The following MGA variants were observed in gnomAD, a reference collection of about 807,000 sequenced individuals.
MGA encodes MAX dimerization protein MGA, also known as MAX gene-associated protein.
Under a neutral mutation model 261.1 loss-of-function variants are expected in MGA, and 40 were observed. The ratio of observed to expected loss-of-function variants is 0.15; its 90% CI spans 0.12 to 0.20. The LOEUF is 0.20. Ranked by LOEUF, MGA falls within the 10% of genes least tolerant of loss-of-function variation. The probability of loss-of-function intolerance (pLI) is 1.00; values close to 1 mark genes in which losing one functional copy is unlikely to be tolerated. For synonymous variants in MGA, 1,302 were observed against 1,290.6 expected (o/e 1.01, Z -0.19); for missense variants, 3,397 against 3,630.5 (o/e 0.94, Z 1.65).
At position 41,763,809 on chromosome 15, in the gene MGA, C is replaced by A. The variant is rs148858282; in HGVS notation, c.7745-1077C>A. Among the ~76,000 whole-genome samples the A allele has an allele frequency of 4.4e-4, 67 of 152,204 alleles. 1 individual carries two copies. The East Asian group carries it at 9.7e-3, about 22-fold the overall frequency. ...ATTAGTCTTAACTTCTTATTACCATCTTGATTTTGGAAGTAAAGTTATATT... is the reference window on the plus strand; with the variant it reads ...ATTAGTCTTAACTTCTTATTACCATATTGATTTTGGAAGTAAAGTTATATT... On this transcript the variant is annotated intron_variant, in intron 22 of 23. Transcript: ENST00000219905.
chr15:41,762,463 T>TG, intron 22 of MGA, 101 bp downstream of exon 22: 1 of 119,892 alleles, frequency 8.3e-6, no homozygotes, highest in African/African-American at 5.7e-5. Flanking sequence ...TTTGTGTGGT[T>TG]TTTTTTTTTT....
chr15:41,753,683 G>GT (rs1476528796), intron 17 of MGA, among the ~76,000 whole-genome samples: 1 of 152,078 alleles, frequency 6.6e-6, no homozygotes, highest in African/African-American at 2.4e-5. Context: ...ATGCTAATGT[G>GT]TGTTGATTTG....
chr15:41,714,214 GATGATTAAT>G (rs2060516697), intron 9 of MGA, among the ~76,000 whole-genome samples: 1 of 151,958 alleles, frequency 6.6e-6, no homozygotes, highest in Admixed American at 6.6e-5. Flanking sequence ...AATCAGAGAT[GATGATTAAT>G]ATTTCAGTGT....
chr15:41,644,737 G>A (rs2056901013), intron 1 of MGA, among the ~76,000 whole-genome samples: 1 of 152,148 alleles, frequency 6.6e-6, no homozygotes, highest in Non-Finnish European at 1.5e-5. Context: ...TAAAGTTGGA[G>A]TATATACCAT....
chr15:41,622,047 G>A (rs2056309017), intron 1 of MGA, among the ~76,000 whole-genome samples: 1 of 151,918 alleles, frequency 6.6e-6, no homozygotes, highest in Non-Finnish European at 1.5e-5. Context: ...GGGGGAGGGT[G>A]GGGGGCGTGG....
In MGA at chr15:41,672,865, T is replaced by TGC. The variant is rs933308918; in HGVS notation, c.1064+2908_1064+2909dup. 5.1e-4 allele frequency among the ~76,000 whole-genome samples: 47 copies of TGC among 92,758 alleles called. No individual in the cohort carries two copies. The East Asian group carries it at 6.6e-3, about 13-fold the overall frequency. 60.9% of individuals were successfully genotyped at this position (92,758 alleles called of 152,430 possible). On this transcript the variant is annotated intron_variant, in intron 2 of 23. Coordinates refer to ENST00000219905, the MANE Select transcript of MGA (RefSeq NM_001164273.2). The stretch of plus-strand genomic sequence containing the variant: ...TTAAAAAATTATATACACATGCGTG[T>TGC]GCACACACACACACACACACACACA...
At chr15:41,672,783 A>C (rs556813952) in intron 2 of MGA, among the ~76,000 whole-genome samples, 1 of 152,272 alleles carries the variant, frequency 6.6e-6, no homozygotes, top group South Asian at 2.1e-4. Flanking sequence ...GTAAAGCGTA[A>C]AATATTTACT....
Position 41,759,010 on chromosome 15 carries a change from A to G in MGA, c.7191+1171A>G, listed in dbSNP as rs183269745. 2.1e-3 allele frequency among the ~76,000 whole-genome samples: 321 copies of G among 152,326 alleles called. 1 individual carries two copies. The highest frequency in any genetic ancestry group is 3.9e-3 in the Admixed American group (59 of 15,298). On this transcript the variant is annotated intron_variant, in intron 19 of 23. Transcript: ENST00000219905. ...ACTTAATTTCAGTCTTGAAAATGTGAGAATACAAATGACAAATTGGGAGGT... is the reference window on the plus strand; with the variant it reads ...ACTTAATTTCAGTCTTGAAAATGTGGGAATACAAATGACAAATTGGGAGGT...
At chr15:41,640,366 A>G (rs924390102) in intron 1 of MGA, among the ~76,000 whole-genome samples, 1 of 152,212 alleles carries the variant, frequency 6.6e-6, no homozygotes, top group African/African-American at 2.4e-5. Context: ...TGTTTGTCTT[A>G]GAGTTCTCAC....
At chr15:41,637,534 G>A (rs1817767882) in intron 1 of MGA, among the ~76,000 whole-genome samples, 1 of 152,128 alleles carries the variant, frequency 6.6e-6, no homozygotes, top group African/African-American at 2.4e-5. Flanking sequence ...TTAGGTAAAG[G>A]CTCCCAGAAG....
chr15:41,754,268 CT>C (rs1326201181), intron 17 of MGA, among the ~76,000 whole-genome samples, 168 bp from the exon 18 acceptor site: 2 of 152,092 alleles, frequency 1.3e-5, no homozygotes, highest in African/African-American at 2.4e-5. Flanking sequence ...GATATGTTAT[CT>C]TTCTGTCTTA....
intron 1 of MGA, among the ~76,000 whole-genome samples, chr15:41,635,516 C>A (rs568795083): frequency 2.1e-4 from 22 of 103,798 alleles, no homozygotes; most frequent in Non-Finnish European, 3.6e-4. Flanking sequence ...CATAGTGAGA[C>A]CCCCCCCCTC....
chr15:41,763,588 A>G (rs1363081722), intron 22 of MGA, among the ~76,000 whole-genome samples: 5 of 151,950 alleles, frequency 3.3e-5, no homozygotes, highest in East Asian at 3.9e-4. Flanking sequence ...TACTAAAAAT[A>G]CAAAATTAGC....
Position 41,669,709 on chromosome 15 carries a change from A to G in MGA, c.815A>G (p.Lys272Arg). The G allele has an allele frequency of 6.2e-7, 1 of 1,613,614 alleles. No homozygotes were observed. The highest frequency in any genetic ancestry group is 8.5e-7 in the Non-Finnish European group (1 of 1,179,674). Residue 272 changes from lysine to arginine, a missense_variant, in exon 2 of 24, where the codon AAA becomes AGA. Coordinates refer to ENST00000219905, the MANE Select transcript of MGA (RefSeq NM_001164273.2). ...AATAATAAGCCCCAGAGAGATGGAA[A>G]ACAAAAGAACAGCTCTGACCAAGAA...
At chr15:41,757,896 C>T in intron 19 of MGA, 57 bp downstream of exon 19, 1 of 1,450,732 alleles carries the variant, frequency 6.9e-7, no homozygotes, top group Non-Finnish European at 9.6e-7. Context: ...TAACATTTAT[C>T]TTAGGGTTGA....
At chr15:41,684,237 T>C (rs776970754) in intron 2 of MGA, among the ~76,000 whole-genome samples, 1 of 152,234 alleles carries the variant, frequency 6.6e-6, no homozygotes, top group Non-Finnish European at 1.5e-5. Flanking sequence ...GTGAATGAGT[T>C]TTATCATGAG....
At chr15:41,693,805 A>G (rs908663203) in intron 2 of MGA, among the ~76,000 whole-genome samples, 1 of 152,152 alleles carries the variant, frequency 6.6e-6, no homozygotes, top group African/African-American at 2.4e-5. Flanking sequence ...AGCCTTTGAA[A>G]TGCTTTTGGA....
chr15:41,656,377 T>TCTCTCTCTCTCTCTCA (rs1555403733), upstream of MGA, among the ~76,000 whole-genome samples: 573 of 67,924 alleles, frequency 8.4e-3, 16 homozygotes, highest in East Asian at 0.06. Flanking sequence ...TCTCTCTCTC[T>TCTCTCTCTCTCTCTCA]CACACCCAGG....
At chr15:41,736,110 G>GT in intron 12 of MGA, 71 bp from the exon 13 acceptor site, 1 of 1,288,420 alleles carries the variant, frequency 7.8e-7, no homozygotes, top group South Asian at 1.7e-5. Flanking sequence ...TTTTTTCAGA[G>GT]TTTCATACAA....
Sources: allele counts gnomAD v4.1 joint callset (sites outside exome capture counted in the v4.1 genomes callset), GRCh38; gene constraint gnomAD v4.1.1; transcripts MANE v1.5; gene names NCBI Gene and HGNC (gene_info 2026-07-23, HGNC 2026-07-21).